Variants in PHGDH observed in about 807,000 individuals in gnomAD.
The protein encoded by PHGDH is D-3-phosphoglycerate dehydrogenase.
PHGDH carries 50 observed loss-of-function variants against 52.6 expected under a neutral mutation model. That is an observed-to-expected ratio of 0.95 (90% CI 0.76 to 1.20). The LOEUF is 1.20. Among genes scored for constraint, PHGDH ranks in the 50% most tolerant of loss-of-function variants. PHGDH has a pLI of 0.00. For synonymous variants in PHGDH, 271 were observed against 280.5 expected (o/e 0.97, Z 0.34); for missense variants, 630 against 684.6 (o/e 0.92, Z 0.89).
chr1:119,743,967 G>A lies in PHGDH; in HGVS notation c.1529G>A (p.Gly510Asp), dbSNP rs1250068314. The A allele has an allele frequency of 6.2e-7, 1 of 1,613,950 alleles. No individual in the cohort carries two copies. The highest frequency in any genetic ancestry group is 2.2e-5 in the East Asian group (1 of 44,878). Residue 510 changes from glycine to aspartate, a missense_variant, in exon 12 of 12, where the codon GGC becomes GAC. By Grantham distance (94) the Gly-to-Asp change is moderately conservative (BLOSUM62 -1). Coordinates refer to ENST00000641023, the MANE Select transcript of PHGDH (RefSeq NM_006623.4). Reference sequence around the variant, plus strand: ...GATGGGGAGACCTGGCACGTCATGGGCATCTCCTCCTTGCTGCCCAGCCTG... The same window carrying A: ...GATGGGGAGACCTGGCACGTCATGGACATCTCCTCCTTGCTGCCCAGCCTG... ...VSDGETWHVM[G>D]ISSLLPSLEA...
Position 119,744,078 on chromosome 1 carries a change from T to A in PHGDH, c.*38T>A. On this transcript the variant is annotated 3_prime_UTR_variant, in exon 12 of 12. Transcript: ENST00000641023. ...CTGGTCCCTGCCTCTGGGGCTTTTCTGAAGAAACCCACCCACTGTGATCAA... is the reference window on the plus strand; with the variant it reads ...CTGGTCCCTGCCTCTGGGGCTTTTCAGAAGAAACCCACCCACTGTGATCAA... 6.3e-7 allele frequency: 1 copy of A among 1,597,934 alleles called. No individual in the cohort carries two copies.
chr1:119,743,023 G>C lies in PHGDH; in HGVS notation c.1426G>C (p.Ala476Pro). 6.2e-7 allele frequency: 1 copy of C among 1,611,416 alleles called. No individual in the cohort carries two copies. The highest frequency in any genetic ancestry group is 8.5e-7 in the Non-Finnish European group (1 of 1,177,446). Residue 476 changes from alanine to proline, a missense_variant, in exon 11 of 12, where the codon GCA becomes CCA. Transcript: ENST00000641023. ...LLFRTQTSDP[A>P]MLPTMIGLLA... is the part of the protein sequence containing the mutation. Reference sequence around the variant, plus strand: ...ATTCCGGACTCAGACCTCTGACCCTGCAATGCTGCCTACCATGATTGGTGA... The same window carrying C: ...ATTCCGGACTCAGACCTCTGACCCTCCAATGCTGCCTACCATGATTGGTGA...
intron 5 of PHGDH, among the ~76,000 whole-genome samples, chr1:119,731,621 C>T (rs1651696313): frequency 1.3e-5 from 2 of 152,202 alleles, no homozygotes; most frequent in South Asian, 4.1e-4. Flanking sequence ...AATGACTCTG[C>T]AGGGTCAGAA....
chr1:119,731,366 G>A (rs1003975815), intron 5 of PHGDH, among the ~76,000 whole-genome samples: 2 of 152,160 alleles, frequency 1.3e-5, no homozygotes, highest in African/African-American at 2.4e-5. Flanking sequence ...ATTCATGCTG[G>A]TGTGTTCCTT....
intron 7 of PHGDH, among the ~76,000 whole-genome samples, chr1:119,735,829 C>T (rs1199286224): frequency 6.6e-6 from 1 of 152,186 alleles, no homozygotes; most frequent in East Asian, 1.9e-4. Flanking sequence ...GTCCCATTGC[C>T]AAGAAAATGT....
chr1:119,735,632 A>T (rs899256243), intron 7 of PHGDH, among the ~76,000 whole-genome samples, 189 bp downstream of exon 7: 1 of 152,174 alleles, frequency 6.6e-6, no homozygotes, highest in Non-Finnish European at 1.5e-5. Flanking sequence ...GGAGCCTGGT[A>T]TGGAGGCAGC....
intron 8 of PHGDH, among the ~76,000 whole-genome samples, chr1:119,737,989 C>T (rs1652018812): frequency 6.6e-6 from 1 of 152,132 alleles, no homozygotes; most frequent in African/African-American, 2.4e-5. Flanking sequence ...CTTCTGAAGT[C>T]TTGCTTGGCC....
At chr1:119,712,216 T>C in intron 1 of PHGDH, 56 bp downstream of exon 1, 1 of 1,528,156 alleles carries the variant, frequency 6.5e-7, no homozygotes, top group Non-Finnish European at 8.9e-7. Flanking sequence ...GGAAAAAGGC[T>C]GGCTGCGCCC....
chr1:119,735,423 G>T lies in PHGDH; in HGVS notation c.772G>T (p.Ala258Ser), dbSNP rs1375551954. ...ALQSGQCAGA[A>S]LDVFTEEPPR... ...GCAGTCTGGCCAGTGTGCCGGGGCT[G>T]CACTGGACGTGTTTACGGAAGTAAG... Residue 258 changes from alanine to serine, a missense_variant, in exon 7 of 12, where the codon GCA (alanine) becomes TCA (serine). Coordinates refer to ENST00000641023, the MANE Select transcript of PHGDH (RefSeq NM_006623.4). 1.8e-5 allele frequency: 29 copies of T among 1,613,400 alleles called. No homozygotes were observed. The highest frequency in any genetic ancestry group is 2.5e-5 in the Non-Finnish European group (29 of 1,180,018).
chr1:119,741,745 G>T (rs1652216612), intron 9 of PHGDH, 22 bp from the exon 10 acceptor site: 2 of 1,612,012 alleles, frequency 1.2e-6, no homozygotes, highest in Non-Finnish European at 1.7e-6. Context: ...GTGACCTCAT[G>T]GTAGCTTCTC....
chr1:119,726,745 G>A (rs1393737203), intron 3 of PHGDH, 106 bp from the exon 4 acceptor site: 2 of 872,042 alleles, frequency 2.3e-6, no homozygotes, highest in African/African-American at 1.6e-5. Context: ...CAGTTCTTGG[G>A]GAAGTGGCTG....
intron 3 of PHGDH, among the ~76,000 whole-genome samples, chr1:119,725,338 C>T (rs139715572): frequency 1.0e-3 from 152 of 152,174 alleles, no homozygotes; most frequent in Non-Finnish European, 1.8e-3. Flanking sequence ...TCTGTGGTGC[C>T]GCACGCATAC....
intron 7 of PHGDH, 41 bp downstream of exon 7, chr1:119,735,484 A>G (rs1331321403): frequency 6.3e-7 from 1 of 1,597,044 alleles, no homozygotes; most frequent in Non-Finnish European, 8.5e-7. Context: ...GACGGGAGAG[A>G]TAGGGAGCAG....
chr1:119,713,918 G>A (rs1650809990), intron 1 of PHGDH, among the ~76,000 whole-genome samples: 1 of 152,174 alleles, frequency 6.6e-6, no homozygotes, highest in Non-Finnish European at 1.5e-5. Flanking sequence ...TCCATAATGA[G>A]GGGTTGTTCC....
chr1:119,715,216 A>G (rs1189175494), intron 1 of PHGDH, among the ~76,000 whole-genome samples: 1 of 152,162 alleles, frequency 6.6e-6, no homozygotes, highest in Non-Finnish European at 1.5e-5. Flanking sequence ...GCATTCTGGT[A>G]TTTTCTTCTG....
In PHGDH at chr1:119,740,798, A is replaced by G. The variant is rs114470827; in HGVS notation, c.1078+280A>G. On this transcript the variant is annotated intron_variant, in intron 9 of 11. Transcript: ENST00000641023. Reference sequence around the variant, plus strand: ...GGTGCAAGAGAAACCTCTACGAGAGAGAGAGTTTCATGCGAGAGGTCGTAG... The same window carrying G: ...GGTGCAAGAGAAACCTCTACGAGAGGGAGAGTTTCATGCGAGAGGTCGTAG... 5.8e-3 allele frequency among the ~76,000 whole-genome samples: 887 copies of G among 152,314 alleles called. 13 individuals carry two copies. The highest frequency in any genetic ancestry group is 0.02 in the African/African-American group (851 of 41,558).
chr1:119,726,503 C>A, intron 3 of PHGDH: 1 of 424,198 alleles, frequency 2.4e-6, no homozygotes, highest in Non-Finnish European at 4.4e-6. Context: ...ATCAGAGTTG[C>A]CCAGTACCCC....
intron 3 of PHGDH, among the ~76,000 whole-genome samples, chr1:119,725,756 C>A (rs1376116850): frequency 6.6e-6 from 1 of 152,104 alleles, no homozygotes; most frequent in Non-Finnish European, 1.5e-5. Context: ...TCTTTTTGCA[C>A]GCTCGCTCAC....
At chr1:119,739,446 A>G (rs1433293098) in intron 8 of PHGDH, 1 of 151,842 alleles carries the variant, frequency 6.6e-6, no homozygotes, top group Non-Finnish European at 1.5e-5. Context: ...AAGCCTGCAG[A>G]CCTGTCACCT....
Sources: gnomAD v4.1 joint callset for allele counts (sites outside exome capture counted in the v4.1 genomes callset) on GRCh38, gnomAD v4.1.1 for gene constraint, MANE v1.5 for transcripts, NCBI Gene and HGNC (gene_info 2026-07-23, HGNC 2026-07-21) for gene names.